RBFOX1: variants seen among roughly 807,000 people sequenced by gnomAD.
The protein encoded by RBFOX1 is RNA binding fox-1 homolog 1.
In RBFOX1, 8 loss-of-function variants were observed where a neutral mutation model predicts 57.7. The ratio of observed to expected loss-of-function variants is 0.14; its 90% CI spans 0.08 to 0.25. The LOEUF (loss-of-function observed/expected upper bound fraction) is 0.25. Among genes scored for constraint, RBFOX1 ranks in the 10% least tolerant of loss-of-function variants. The pLI, the probability that RBFOX1 is intolerant of heterozygous loss-of-function variation, is 1.00. For synonymous variants in RBFOX1, 326 were observed against 222.4 expected (o/e 1.47, Z -4.15); for missense variants, 611 against 548.5 (o/e 1.11, Z -1.14).
intron 3 of RBFOX1, among the ~76,000 whole-genome samples, chr16:6,932,154 A>T (rs1356552372): frequency 1.3e-5 from 2 of 152,096 alleles, no homozygotes; most frequent in Admixed American, 1.3e-4. Flanking sequence ...CCCAGCCTGG[A>T]GTGCAGTGGC....
intron 4 of RBFOX1, among the ~76,000 whole-genome samples, chr16:7,206,453 AATAT>A (rs202011116): frequency 4.6e-5 from 7 of 150,854 alleles, no homozygotes; most frequent in East Asian, 2.0e-4. Flanking sequence ...TTTCCTTATT[AATAT>A]ATATAATATG....
intron 3 of RBFOX1, among the ~76,000 whole-genome samples, chr16:6,914,722 A>C (rs911253234): frequency 6.6e-6 from 1 of 152,164 alleles, no homozygotes; most frequent in Non-Finnish European, 1.5e-5. Flanking sequence ...AATAAGCTGA[A>C]AATTAACCTG....
chr16:6,580,379 A>G (rs978821908), intron 2 of RBFOX1, among the ~76,000 whole-genome samples: 6 of 152,236 alleles, frequency 3.9e-5, no homozygotes, highest in Admixed American at 3.3e-4. Context: ...TTTGCCAATT[A>G]TCTGGAGAGG....
At chr16:6,919,711 T>C (rs999092784) in intron 3 of RBFOX1, among the ~76,000 whole-genome samples, 2 of 151,942 alleles carry the variant, frequency 1.3e-5, no homozygotes, top group South Asian at 4.1e-4. Context: ...TGATATATTG[T>C]ATGTTATAGA....
chr16:6,705,679 C>G (rs955260831), intron 3 of RBFOX1: 5 of 152,110 alleles, frequency 3.3e-5, no homozygotes, highest in Non-Finnish European at 7.3e-5. Context: ...AACAAAGCCA[C>G]TGTGATAGAG....
At chr16:6,647,433 C>T (rs2098542893) in intron 2 of RBFOX1, among the ~76,000 whole-genome samples, 1 of 152,034 alleles carries the variant, frequency 6.6e-6, no homozygotes, top group African/African-American at 2.4e-5. Context: ...TATTGAAATC[C>T]AATGGGGTTT....
intron 2 of RBFOX1, among the ~76,000 whole-genome samples, chr16:6,586,626 T>A (rs1356918587): frequency 6.6e-6 from 1 of 152,214 alleles, no homozygotes; most frequent in Non-Finnish European, 1.5e-5. Context: ...TTACACACTC[T>A]TCTGTATGCC....
intron 4 of RBFOX1, among the ~76,000 whole-genome samples, chr16:5,909,155 C>A (rs1241731411): frequency 4.0e-5 from 5 of 124,796 alleles, no homozygotes; most frequent in Non-Finnish European, 7.8e-5. Flanking sequence ...TGCAGTGGTG[C>A]GGTCTGGGCT....
At chr16:5,752,130 A>G (rs2053230616) in intron 3 of RBFOX1, among the ~76,000 whole-genome samples, 1 of 152,242 alleles carries the variant, frequency 6.6e-6, no homozygotes, top group Non-Finnish European at 1.5e-5. Flanking sequence ...AGGAAAATGA[A>G]TGGCACTGGA....
At chr16:5,366,165 T>C in intron 1 of RBFOX1, 1 of 421,856 alleles carries the variant, frequency 2.4e-6, no homozygotes, top group South Asian at 1.9e-5. Flanking sequence ...AGATGCAGAG[T>C]CAGAAGACGA....
At chr16:7,544,475 G>C (rs974389474) in intron 5 of RBFOX1, among the ~76,000 whole-genome samples, 2 of 152,204 alleles carry the variant, frequency 1.3e-5, no homozygotes, top group African/African-American at 4.8e-5. Context: ...TGAATTCAAT[G>C]AGTGTTGTCC....
intron 9 of RBFOX1, among the ~76,000 whole-genome samples, chr16:7,602,383 T>A (rs187710921): frequency 6.6e-6 from 1 of 152,060 alleles, no homozygotes; most frequent in Admixed American, 6.5e-5. Context: ...GTTGTGGGGC[T>A]GGGGGGGCCC....
chr16:7,221,643 A>T (rs1029164952), intron 4 of RBFOX1, among the ~76,000 whole-genome samples: 1 of 152,240 alleles, frequency 6.6e-6, no homozygotes, highest in Non-Finnish European at 1.5e-5. Context: ...CTGGGATTAC[A>T]GGCGTGAGCC....
At chr16:6,848,272 G>C (rs2093872694) in intron 3 of RBFOX1, among the ~76,000 whole-genome samples, 1 of 152,100 alleles carries the variant, frequency 6.6e-6, no homozygotes, top group African/African-American at 2.4e-5. Flanking sequence ...GCAGCTGATT[G>C]TGACCATGTG....
chr16:7,646,735 C>G (rs192748143), intron 11 of RBFOX1, among the ~76,000 whole-genome samples: 17 of 152,362 alleles, frequency 1.1e-4, no homozygotes, highest in Non-Finnish European at 2.2e-4. Context: ...TCCATCTCCC[C>G]CAGAGCTCTA....
At chr16:6,143,965 A>ATG (rs1555524691) in intron 1 of RBFOX1, among the ~76,000 whole-genome samples, 3 of 149,596 alleles carry the variant, frequency 2.0e-5, no homozygotes, top group Admixed American at 2.0e-4. Flanking sequence ...TCAGCTATAT[A>ATG]TATATATATA....
intron 3 of RBFOX1, among the ~76,000 whole-genome samples, chr16:5,855,763 T>G (rs879291961): frequency 6.6e-6 from 1 of 152,078 alleles, no homozygotes; most frequent in Non-Finnish European, 1.5e-5. Flanking sequence ...CTTTGGAATT[T>G]CCTTGGAATT....
At chr16:5,408,823 G>A (rs1189221194) in intron 1 of RBFOX1, among the ~76,000 whole-genome samples, 1 of 152,168 alleles carries the variant, frequency 6.6e-6, no homozygotes, top group Non-Finnish European at 1.5e-5. Flanking sequence ...TGGGGATTGT[G>A]CTACCCACTT....
intron 3 of RBFOX1, among the ~76,000 whole-genome samples, chr16:6,945,042 C>T (rs1053842050): frequency 3.3e-5 from 5 of 152,030 alleles, no homozygotes; most frequent in Non-Finnish European, 7.4e-5. Context: ...TTCTGAATCC[C>T]GTGTTCTAAT....
Sources: allele counts gnomAD v4.1 joint callset (sites outside exome capture counted in the v4.1 genomes callset), GRCh38; gene constraint gnomAD v4.1.1; transcripts MANE v1.5; gene names NCBI Gene and HGNC (gene_info 2026-07-23, HGNC 2026-07-21).